Variants in CIBAR1 observed in about 807,000 individuals in gnomAD.
CIBAR1 encodes CBY1-interacting BAR domain-containing protein 1.
A neutral mutation model predicts 44.0 loss-of-function variants in CIBAR1; 25 were observed. The observed-to-expected ratio is 0.57, with a 90% CI of 0.41 to 0.79. The LOEUF is 0.79. CIBAR1 is among the 30% of genes least tolerant of loss of function. The probability of loss-of-function intolerance (pLI) is 0.00; values close to 1 mark genes in which losing one functional copy is unlikely to be tolerated. For synonymous variants in CIBAR1, 115 were observed against 119.0 expected (o/e 0.97, Z 0.22); for missense variants, 278 against 344.8 (o/e 0.81, Z 1.53).
At chr8:93,726,285 T>G (rs1242695127) in intron 7 of CIBAR1, 109 bp from the exon 8 acceptor site, 6 of 920,674 alleles carry the variant, frequency 6.5e-6, no homozygotes, top group Non-Finnish European at 9.5e-6. Context: ...ATTTTGTCCA[T>G]TTGGGGGGAG....
At chr8:93,723,278 G>A (rs1457028009) in intron 7 of CIBAR1, among the ~76,000 whole-genome samples, 1 of 152,216 alleles carries the variant, frequency 6.6e-6, no homozygotes, top group Non-Finnish European at 1.5e-5. Flanking sequence ...CTGCAGGCGT[G>A]AGCCACGGTG....
chr8:93,705,045 T>C, intron 4 of CIBAR1, 35 bp downstream of exon 4: 1 of 1,434,724 alleles, frequency 7.0e-7, no homozygotes, highest in African/African-American at 1.4e-5. Flanking sequence ...AAAAAATGTT[T>C]AAGGTATGGA....
In CIBAR1 at chr8:93,728,891, A is replaced by G. The variant is rs1386057109; in HGVS notation, c.*594A>G. On this transcript the variant is annotated 3_prime_UTR_variant, in exon 9 of 9. Coordinates refer to ENST00000518322, the MANE Select transcript of CIBAR1 (RefSeq NM_145269.5). Reference sequence around the variant, plus strand: ...TTCAGCTGTAAAAAAGCTACATTCAATCTGACTCTGGTTTTAAAACAAAAC... The same window carrying G: ...TTCAGCTGTAAAAAAGCTACATTCAGTCTGACTCTGGTTTTAAAACAAAAC... 1 of 152,074 alleles carries G rather than the reference A, an allele frequency of 6.6e-6. No homozygotes were observed. Among genetic ancestry groups the G allele is most frequent in the Non-Finnish European group, 1.5e-5 (1 of 67,952 alleles). 9.4% of individuals were successfully genotyped at this position (152,074 alleles called of 1,614,324 possible).
At chr8:93,703,397 A>C (rs1810446992) in intron 2 of CIBAR1, among the ~76,000 whole-genome samples, 4 of 152,182 alleles carry the variant, frequency 2.6e-5, no homozygotes, top group Admixed American at 1.3e-4. Context: ...AGTAATCCTA[A>C]GATGATGATG....
intron 4 of CIBAR1, 88 bp downstream of exon 4, chr8:93,705,098 T>A: frequency 1.2e-6 from 1 of 813,016 alleles, no homozygotes; most frequent in South Asian, 1.6e-5. Context: ...TTTTTACTTT[T>A]AAACGAGTAG....
chr8:93,722,527 T>C (rs1180682754), intron 7 of CIBAR1, among the ~76,000 whole-genome samples: 1 of 152,096 alleles, frequency 6.6e-6, no homozygotes, highest in Non-Finnish European at 1.5e-5. Flanking sequence ...TGAAACTCTG[T>C]CTCTACTAAA....
At chr8:93,710,904 TAGG>T (rs1810797877) in intron 6 of CIBAR1, among the ~76,000 whole-genome samples, 1 of 150,154 alleles carries the variant, frequency 6.7e-6, no homozygotes, top group African/African-American at 2.5e-5. Flanking sequence ...TAGCCAGAAA[TAGG>T]AGCTATAAAC....
chr8:93,726,466 C>A lies in CIBAR1; in HGVS notation c.730C>A (p.Pro244Thr), dbSNP rs1390265581. The change falls in exon 8 of 9, where the codon CCT becomes ACT. Residue 244 changes from proline (P) to threonine (T), a missense_variant. By Grantham distance (38) the Pro-to-Thr change is conservative (BLOSUM62 -1). Coordinates refer to ENST00000518322, the MANE Select transcript of CIBAR1 (RefSeq NM_145269.5). ...TATTGTAAGAGCAAATTCAAAGTCA[C>A]CTCTTCAGAGATCACTGTCAGCTAA... ...LDIVRANSKS[P>T]LQRSLSAKCV... 1.2e-6 allele frequency: 2 copies of A among 1,613,582 alleles called. No individual in the cohort carries two copies. Among genetic ancestry groups the A allele is most frequent in the Non-Finnish European group, 1.7e-6 (2 of 1,179,734 alleles).
chr8:93,717,776 C>T (rs1380373846), intron 6 of CIBAR1, among the ~76,000 whole-genome samples: 1 of 152,154 alleles, frequency 6.6e-6, no homozygotes, highest in Non-Finnish European at 1.5e-5. Context: ...CAGCCCAGTT[C>T]TCTCTACATT....
At chr8:93,706,961 G>A (rs1810614259) in intron 4 of CIBAR1, among the ~76,000 whole-genome samples, 1 of 152,196 alleles carries the variant, frequency 6.6e-6, no homozygotes, top group Non-Finnish European at 1.5e-5. Context: ...CCCTCTGATA[G>A]AGAGGATAGG....
intron 6 of CIBAR1, among the ~76,000 whole-genome samples, chr8:93,714,160 A>G (rs950886329): frequency 6.6e-6 from 1 of 152,232 alleles, no homozygotes; most frequent in Non-Finnish European, 1.5e-5. Flanking sequence ...TGTAGTTTTC[A>G]GAATATAAAT....
At chr8:93,710,231 CCG>C (rs1563642894) in intron 6 of CIBAR1, among the ~76,000 whole-genome samples, 300 of 152,106 alleles carry the variant, frequency 2.0e-3, no homozygotes, top group African/African-American at 7.0e-3. Flanking sequence ...TGAGCCATGA[CCG>C]TGCCACTGCA....
chr8:93,706,986 C>T (rs1295404032), intron 4 of CIBAR1, among the ~76,000 whole-genome samples: 1 of 152,160 alleles, frequency 6.6e-6, no homozygotes, highest in African/African-American at 2.4e-5. Context: ...AGAAGAATCC[C>T]ATGGCTCTGC....
At chr8:93,709,937 A>G (rs559796739) in intron 6 of CIBAR1, 62 bp downstream of exon 6, 1 of 1,264,566 alleles carries the variant, frequency 7.9e-7, no homozygotes, top group East Asian at 2.5e-5. Context: ...CTTTAATGAA[A>G]AATTTAAATT....
In CIBAR1 at chr8:93,726,493, T is replaced by C. The variant is rs1463750630; in HGVS notation, c.757T>C (p.Cys253Arg). The change falls in exon 8 of 9, where the codon TGT becomes CGT. Residue 253 changes from cysteine to arginine, a missense_variant. By Grantham distance (180) the Cys-to-Arg change is radical (BLOSUM62 -3). Coordinates refer to ENST00000518322, the MANE Select transcript of CIBAR1 (RefSeq NM_145269.5). Reference protein sequence around the residue: ...SPLQRSLSAKCVSGTGQVSTC... With the variant: ...SPLQRSLSAKRVSGTGQVSTC... ...TCTTCAGAGATCACTGTCAGCTAAG[T>C]GTGTATCTGGAACAGGACAGGTGAG... The C allele has an allele frequency of 1.2e-6, 2 of 1,613,550 alleles. No homozygotes were observed. The highest frequency in any genetic ancestry group is 2.7e-5 in the African/African-American group (2 of 74,898).
intron 5 of CIBAR1, among the ~76,000 whole-genome samples, 177 bp downstream of exon 5, chr8:93,708,193 T>C (rs1810679469): frequency 6.6e-6 from 1 of 152,200 alleles, no homozygotes; most frequent in Admixed American, 6.5e-5. Flanking sequence ...AATGATGATA[T>C]ATGTGACTTT....
intron 6 of CIBAR1, among the ~76,000 whole-genome samples, chr8:93,712,030 CTT>C (rs1403157685): frequency 3.9e-5 from 6 of 152,106 alleles, no homozygotes; most frequent in African/African-American, 1.4e-4. Flanking sequence ...AGGAAAGTCT[CTT>C]GATTTTAGGA....
At chr8:93,700,729 G>A in intron 1 of CIBAR1, 56 bp downstream of exon 1, 1 of 1,463,502 alleles carries the variant, frequency 6.8e-7, no homozygotes, top group Non-Finnish European at 9.0e-7. Flanking sequence ...CTGGGGTGAG[G>A]GAAGTGGAAG....
rs1342483282 is a variant in CIBAR1 at position 93,728,358 on chromosome 8, CT to C, written c.*64del. ...AATCCACAATGACTAAATTGTAGAA[CT>C]TTATACTCACTTTGCTATGTTAAGC... On this transcript the variant is annotated 3_prime_UTR_variant, in exon 9 of 9. Coordinates refer to ENST00000518322, the MANE Select transcript of CIBAR1 (RefSeq NM_145269.5). The C allele has an allele frequency of 1.9e-6, 2 of 1,075,060 alleles. No individual in the cohort carries two copies. The highest frequency in any genetic ancestry group is 1.6e-5 in the African/African-American group (1 of 61,166). The allele number at this position is 1,075,060 out of a possible 1,614,324, so 66.6% of individuals were successfully genotyped here.
Sources: allele counts gnomAD v4.1 joint callset (sites outside exome capture counted in the v4.1 genomes callset), GRCh38; gene constraint gnomAD v4.1.1; transcripts MANE v1.5; gene names NCBI Gene and HGNC (gene_info 2026-07-23, HGNC 2026-07-21).